The following NSMCE4A variants were observed in gnomAD, a reference collection of about 807,000 sequenced individuals.
The protein encoded by NSMCE4A is NSE4A component of SMC5/6 complex.
In NSMCE4A, 40 loss-of-function variants were observed where a neutral mutation model predicts 47.9. That is an observed-to-expected ratio of 0.83 (90% confidence interval 0.65 to 1.09). NSMCE4A has a LOEUF of 1.09. Among genes scored for constraint, NSMCE4A ranks in the 50% least tolerant of loss-of-function variants. The pLI is 0.00. For missense variants in NSMCE4A, 500 were observed against 507.0 expected, an observed-to-expected ratio of 0.99 and a Z score of 0.13; for synonymous variants, 166 against 178.5, an observed-to-expected ratio of 0.93 and a Z score of 0.56.
At chr10:121,967,547 GCAT>G in intron 4 of NSMCE4A, 105 bp downstream of exon 4, 1 of 1,189,144 alleles carries the variant, frequency 8.4e-7, no homozygotes, top group Non-Finnish European at 1.2e-6. Flanking sequence ...CCAAACAACG[GCAT>G]CATGACTGTC....
intron 3 of NSMCE4A, 114 bp from the exon 4 acceptor site, chr10:121,967,920 G>A: frequency 1.9e-6 from 2 of 1,046,070 alleles, no homozygotes; most frequent in South Asian, 1.6e-5. Context: ...CCAGCTTTCA[G>A]TGTCTTAACA....
In NSMCE4A at chr10:121,970,144, G is replaced by C. The variant is rs558874734; in HGVS notation, c.501+795C>G. Among the ~76,000 whole-genome samples the C allele has an allele frequency of 6.6e-5, 10 of 152,176 alleles. No homozygotes were observed. In the East Asian group the frequency reaches 1.9e-3, roughly 29 times the overall value. ...GGTAACCACTATTCAAACTTGTCAA[G>C]AGACAAAGAAAGGTGAATAAAACAT... On this transcript the variant is annotated intron_variant, in intron 3 of 10. Coordinates refer to ENST00000369023, the MANE Select transcript of NSMCE4A (RefSeq NM_017615.3).
intron 5 of NSMCE4A, 40 bp from the exon 6 acceptor site, chr10:121,963,368 G>A: frequency 1.7e-6 from 2 of 1,197,120 alleles, no homozygotes; most frequent in Non-Finnish European, 1.2e-6. Flanking sequence ...CCTACTTACT[G>A]GCCTATTAAC....
chr10:121,974,130 T>C (rs1283034744), intron 1 of NSMCE4A, 49 bp from the exon 2 acceptor site: 12 of 1,489,250 alleles, frequency 8.1e-6, no homozygotes. Context: ...CATTCACTAA[T>C]AAGCAGTTGA....
intron 8 of NSMCE4A, 100 bp from the exon 9 acceptor site, chr10:121,959,695 G>A: frequency 1.3e-6 from 1 of 755,076 alleles, no homozygotes; most frequent in Non-Finnish European, 2.3e-6. Context: ...AACCTGTATT[G>A]AAAAGATACT....
At chr10:121,964,574 C>T (rs1337748599) in intron 5 of NSMCE4A, among the ~76,000 whole-genome samples, 1 of 152,022 alleles carries the variant, frequency 6.6e-6, no homozygotes, top group African/African-American at 2.4e-5. Context: ...CCCGAATAGC[C>T]CGGACTACAG....
At chr10:121,963,788 G>A (rs1952548476) in intron 5 of NSMCE4A, among the ~76,000 whole-genome samples, 1 of 152,074 alleles carries the variant, frequency 6.6e-6, no homozygotes, top group South Asian at 2.1e-4. Context: ...GCTGAGGCAG[G>A]AGAATGGCAT....
chr10:121,963,819 G>A (rs536499131), intron 5 of NSMCE4A, among the ~76,000 whole-genome samples: 2 of 151,986 alleles, frequency 1.3e-5, no homozygotes, highest in East Asian at 2.0e-4. Context: ...GGCGGAGCTT[G>A]CAGTGAGCCG....
In NSMCE4A at chr10:121,975,024, C is replaced by G. The variant is rs2134804145; in HGVS notation, c.142G>C (p.Glu48Gln). The G allele has an allele frequency of 6.7e-7, 1 of 1,496,052 alleles. No homozygotes were observed. Among genetic ancestry groups the G allele is most frequent in the Non-Finnish European group, 8.9e-7 (1 of 1,128,180 alleles). 92.7% of individuals were successfully genotyped at this position (1,496,052 alleles called of 1,614,324 possible). A position where few individuals can be genotyped will look rare whatever the true frequency, so the allele number is the denominator to read the frequency against. The change falls in exon 1 of 11, where the codon GAG becomes CAG. Residue 48 changes from glutamate to glutamine, a missense_variant. Coordinates refer to ENST00000369023, the MANE Select transcript of NSMCE4A (RefSeq NM_017615.3). ...SRRGSARERREAPERPSLEDT... is the reference protein window; with the variant it reads ...SRRGSARERRQAPERPSLEDT... ...TCCAGGCTCGGGCGCTCTGGGGCCT[C>G]TCTGCGCTCCCGCGCAGAGCCGCGG...
At position 121,965,374 on chromosome 10, in the gene NSMCE4A, A is replaced by G. The variant is rs543882795; in HGVS notation, c.665T>C (p.Ile222Thr). The change falls in exon 5 of 11, where the codon ATA becomes ACA. Residue 222 changes from isoleucine (I) to threonine (T), a missense_variant. Physicochemically the swap from Ile to Thr is moderately conservative, Grantham distance 89 (BLOSUM62 -1). Transcript: ENST00000369023. ...CTTTGGCACAGGGCACTCTCCGTAT[A>G]TTGAACCCAACCTAATGAAAAGTAT... ...THTFHFLLGSIYGECPVPKPR... is the reference protein window; with the variant it reads ...THTFHFLLGSTYGECPVPKPR... 1.2e-6 allele frequency: 2 copies of G among 1,611,150 alleles called. No individual in the cohort carries two copies. Among genetic ancestry groups the G allele is most frequent in the African/African-American group, 1.3e-5 (1 of 74,962 alleles).
intron 2 of NSMCE4A, 108 bp from the exon 3 acceptor site, chr10:121,971,177 A>AAG: frequency 9.1e-7 from 1 of 1,098,206 alleles, no homozygotes; most frequent in South Asian, 1.7e-5. Flanking sequence ...GACTAAAAAA[A>AAG]AAAAAAAATC....
intron 3 of NSMCE4A, 78 bp from the exon 4 acceptor site, chr10:121,967,884 C>A: frequency 6.8e-7 from 1 of 1,480,760 alleles, no homozygotes. Context: ...CCGCATCACT[C>A]AACCTTTAAG....
At chr10:121,970,445 C>G (rs113252677) in intron 3 of NSMCE4A, among the ~76,000 whole-genome samples, 14,150 of 143,270 alleles carry the variant, frequency 0.099, 752 homozygotes, top group Admixed American at 0.19. Context: ...GCACTCCAGC[C>G]TGGGCGACAG....
intron 8 of NSMCE4A, 199 bp from the exon 9 acceptor site, chr10:121,959,794 T>C (rs2134733244): frequency 1.7e-6 from 1 of 586,930 alleles, no homozygotes; most frequent in East Asian, 2.8e-5. Context: ...TGTTTCCATT[T>C]CAAAAAACAT....
intron 6 of NSMCE4A, 26 bp from the exon 7 acceptor site, chr10:121,961,543 T>C (rs745320304): frequency 2.8e-6 from 4 of 1,443,948 alleles, no homozygotes; most frequent in South Asian, 2.7e-5. Flanking sequence ...GAAAAAAAAA[T>C]TGATTTTTGC....
At chr10:121,966,923 T>A (rs1173373235) in intron 4 of NSMCE4A, 1 of 152,102 alleles carries the variant, frequency 6.6e-6, no homozygotes, top group African/African-American at 2.4e-5. Context: ...AACTGGACAG[T>A]TTATGTGGCA....
Position 121,974,981 on chromosome 10 carries a change from T to C in NSMCE4A, c.185A>G (p.Asp62Gly), listed in dbSNP as rs1437252636. Residue 62 changes from aspartate (D) to glycine (G), a missense_variant, in exon 1 of 11, where the codon GAT (aspartate) becomes GGT (glycine). Asp to Gly is a moderately conservative substitution (Grantham distance 94). Transcript: ENST00000369023. ...RPSLEDTEPS[D>G]SGDEMMDPAS... Reference sequence around the variant, plus strand: ...CGGGTCCATCATCTCGTCCCCGGAATCCGACGGCTCTGTGTCCTCCAGGCT... The same window carrying C: ...CGGGTCCATCATCTCGTCCCCGGAACCCGACGGCTCTGTGTCCTCCAGGCT... 1.3e-6 allele frequency: 2 copies of C among 1,523,612 alleles called. 1 individual carries two copies. Among genetic ancestry groups the C allele is most frequent in the Non-Finnish European group, 1.8e-6 (2 of 1,138,146 alleles). 94.4% of individuals were successfully genotyped at this position (1,523,612 alleles called of 1,614,324 possible).
intron 1 of NSMCE4A, 142 bp downstream of exon 1, chr10:121,974,732 G>A: frequency 8.7e-7 from 1 of 1,147,330 alleles, no homozygotes; most frequent in Non-Finnish European, 1.1e-6. Flanking sequence ...GGTGCGGCGA[G>A]GGGCTGGCAC....
chr10:121,963,154 C>T (rs557386960), intron 6 of NSMCE4A, 84 bp downstream of exon 6: 36 of 671,492 alleles, frequency 5.4e-5, no homozygotes, highest in Non-Finnish European at 9.0e-5. Flanking sequence ...ATATTACATA[C>T]AGCTGAAATT....
Sources: allele counts gnomAD v4.1 joint callset (sites outside exome capture counted in the v4.1 genomes callset), GRCh38; gene constraint gnomAD v4.1.1; transcripts MANE v1.5; gene names NCBI Gene and HGNC (gene_info 2026-07-23, HGNC 2026-07-21).